Variants in MTREX observed in about 807,000 individuals in gnomAD.
MTREX encodes the protein Mtr4 exosome RNA helicase.
MTREX carries 76 observed loss-of-function variants against 135.4 expected under a neutral mutation model. The ratio of observed to expected loss-of-function variants is 0.56; its 90% CI spans 0.47 to 0.68. MTREX has a LOEUF of 0.68. MTREX is among the 30% of genes least tolerant of loss of function. The pLI, the probability that MTREX is intolerant of heterozygous loss-of-function variation, is 0.00. For synonymous variants in MTREX, 404 were observed against 401.6 expected (o/e 1.01, Z -0.07); for missense variants, 920 against 1,262.1 (o/e 0.73, Z 4.11).
rs1228279217 is a variant in MTREX, at chr5:55,340,053, T to C, written c.559T>C (p.Phe187Leu). ...CTTAAGGGAAAAGCAGCGTGTAATA[T>C]TTACCAGCCCAATTAAGGCTCTGAG... The part of the protein sequence containing the change: ...LALREKQRVI[F>L]TSPIKALSNQ... The change falls in exon 6 of 27, where the codon TTT becomes CTT. Residue 187 changes from phenylalanine to leucine, a missense_variant. Phe to Leu is a conservative substitution (Grantham distance 22, BLOSUM62 0). Coordinates refer to ENST00000230640, the MANE Select transcript of MTREX (RefSeq NM_015360.5). 1 of 1,592,414 alleles carries C rather than the reference T, an allele frequency of 6.3e-7. No homozygotes were observed. The highest frequency in any genetic ancestry group is 1.8e-5 in the Admixed American group (1 of 56,814).
rs181612395 is a variant in MTREX at position 55,401,037 on chromosome 5, A to G, written c.2481+616A>G. The stretch of plus-strand genomic sequence containing the variant: ...CTTGTGTGTGTGCGTGCGTCCGTGC[A>G]TGCGTGTGTGTGTGTGAGACAGAGT... On this transcript the variant is annotated intron_variant, in intron 21 of 26. Coordinates refer to ENST00000230640, the MANE Select transcript of MTREX (RefSeq NM_015360.5). Among the ~76,000 whole-genome samples the G allele has an allele frequency of 1.3e-3, 204 of 152,072 alleles. 2 individuals carry two copies. The Middle Eastern group carries it at 0.024, about 18-fold the overall frequency.
At chr5:55,406,873 A>G (rs1011134145) in intron 22 of MTREX, among the ~76,000 whole-genome samples, 5 of 152,196 alleles carry the variant, frequency 3.3e-5, no homozygotes, top group Non-Finnish European at 7.4e-5. Flanking sequence ...AGAAAATACA[A>G]TTTATGATAC....
At chr5:55,391,071 A>AT (rs1003474070) in intron 19 of MTREX, among the ~76,000 whole-genome samples, 1 of 152,058 alleles carries the variant, frequency 6.6e-6, no homozygotes, top group African/African-American at 2.4e-5. Flanking sequence ...TTCATTGAAA[A>AT]TTGGACATTT....
intron 5 of MTREX, among the ~76,000 whole-genome samples, chr5:55,335,991 G>A (rs548107099): frequency 6.6e-6 from 1 of 152,178 alleles, no homozygotes; most frequent in African/African-American, 2.4e-5. Flanking sequence ...CTATTCCTAA[G>A]TATTTCTGTT....
chr5:55,364,479 A>G (rs114043417), intron 15 of MTREX, among the ~76,000 whole-genome samples: 2 of 152,182 alleles, frequency 1.3e-5, no homozygotes, highest in Non-Finnish European at 2.9e-5. Context: ...ATTTGGTATA[A>G]ACTATGAAAC....
intron 5 of MTREX, among the ~76,000 whole-genome samples, chr5:55,336,042 G>A (rs890250393): frequency 2.6e-5 from 4 of 151,984 alleles, no homozygotes; most frequent in Non-Finnish European, 4.4e-5. Context: ...GGTCATATTT[G>A]GATTGCTAAT....
In MTREX at chr5:55,313,363, T is replaced by A. The variant is rs151280518; in HGVS notation, c.134+5216T>A. Among the ~76,000 whole-genome samples, 53 of 151,978 alleles carry A rather than the reference T, an allele frequency of 3.5e-4. No individual in the cohort carries two copies. In the East Asian group the frequency reaches 8.9e-3, roughly 26 times the overall value. ...GCTGAGGTTGGAGGATTGCTTTAGCTCTGGGAGGTTGAGGCTGCAGGGAGC... is the reference window on the plus strand; with the variant it reads ...GCTGAGGTTGGAGGATTGCTTTAGCACTGGGAGGTTGAGGCTGCAGGGAGC... On this transcript the variant is annotated intron_variant, in intron 1 of 26. Transcript: ENST00000230640.
At position 55,416,065 on chromosome 5, in the gene MTREX, T is replaced by C. The variant is rs774027759; in HGVS notation, c.2904T>C (p.Asp968=). ...YLSSFKPHLM[D]VVYTWATGAT... ...GCTCATTTAAACCTCACTTAATGGA[T>C]GTAGTATATACCTGGGCAACTGGAG... The change falls in exon 25 of 27, where the codon GAT becomes GAC. Residue 968 remains aspartate (D), a synonymous_variant. Coordinates refer to ENST00000230640, the MANE Select transcript of MTREX (RefSeq NM_015360.5). 6.2e-7 allele frequency: 1 copy of C among 1,603,572 alleles called. No homozygotes were observed.
intron 21 of MTREX, among the ~76,000 whole-genome samples, chr5:55,401,959 A>C (rs1417221420): frequency 6.6e-6 from 1 of 152,322 alleles, no homozygotes; most frequent in East Asian, 1.9e-4. Flanking sequence ...TGTGTCTCAC[A>C]AACTAGATTT....
chr5:55,390,868 T>A (rs1029456622), intron 19 of MTREX, among the ~76,000 whole-genome samples: 9 of 152,180 alleles, frequency 5.9e-5, no homozygotes, highest in African/African-American at 2.2e-4. Context: ...AGGTTTCAAG[T>A]TTACCTTGAA....
At position 55,346,988 on chromosome 5, in the gene MTREX, G is replaced by A. The variant is rs957001917; in HGVS notation, c.1109-25G>A. 1.3e-5 allele frequency: 20 copies of A among 1,571,158 alleles called. No homozygotes were observed. In the African/African-American group the frequency reaches 2.3e-4, roughly 18 times the overall value. ...CTGTGATCTATTTTGAGTTAATTTT[G>A]GTGTGTTGTTTACTGTTTTTGCAGG... On this transcript the variant is annotated intron_variant, in intron 10 of 26. Coordinates refer to ENST00000230640, the MANE Select transcript of MTREX (RefSeq NM_015360.5).
At chr5:55,399,112 G>A (rs1231677129) in intron 20 of MTREX, among the ~76,000 whole-genome samples, 3 of 152,284 alleles carry the variant, frequency 2.0e-5, no homozygotes, top group East Asian at 1.9e-4. Context: ...GGCCAGGCTC[G>A]TGTAGGATTT....
chr5:55,318,885 A>G (rs1173091145), intron 1 of MTREX, among the ~76,000 whole-genome samples: 2 of 152,166 alleles, frequency 1.3e-5, no homozygotes, highest in Non-Finnish European at 2.9e-5. Flanking sequence ...ATGTCATTTC[A>G]GGTAGTGTGA....
Position 55,308,046 on chromosome 5 carries a change from C to A in MTREX, c.33C>A (p.Ser11Arg), listed in dbSNP as rs1480792846. Residue 11 changes from serine (S) to arginine (R), a missense_variant, in exon 1 of 27, where the codon AGC (serine) becomes AGA (arginine). Around this residue, in one of 6 missense-constraint regions of MTREX, gnomAD observed 136 missense variants for 126.7 expected, o/e 1.07. Coordinates refer to ENST00000230640, the MANE Select transcript of MTREX (RefSeq NM_015360.5). MADAFGDELF[S>R]VFEGDSTTAA... ...ACGCATTCGGAGATGAGCTGTTCAG[C>A]GTGTTCGAGGGCGACTCGACCACTG... The A allele has an allele frequency of 4.3e-6, 7 of 1,614,028 alleles. 1 individual carries two copies. Among genetic ancestry groups the A allele is most frequent in the South Asian group, 1.1e-5 (1 of 91,072 alleles).
intron 19 of MTREX, among the ~76,000 whole-genome samples, chr5:55,389,059 A>G (rs1348627729): frequency 1.3e-5 from 2 of 152,316 alleles, no homozygotes; most frequent in East Asian, 3.9e-4. Flanking sequence ...TTAAATGTTT[A>G]TTTATAATTC....
Position 55,353,188 on chromosome 5 carries a change from C to T in MTREX, c.1452C>T (p.Thr484=). Residue 484 remains threonine (T), a synonymous_variant, in exon 14 of 27, where the codon ACC becomes ACT. Transcript: ENST00000230640. ...CTTAGGCCTTATTTGCCACGGAGAC[C>T]TTTGCTATGGGAATTAACATGCCAG... is the stretch of plus-strand genomic sequence containing the variant. ...GLIKALFATE[T]FAMGINMPAR... is the part of the protein sequence containing the mutation. The T allele has an allele frequency of 6.2e-7, 1 of 1,603,282 alleles. No homozygotes were observed. The highest frequency in any genetic ancestry group is 8.5e-7 in the Non-Finnish European group (1 of 1,175,328).
chr5:55,314,295 C>T (rs1199131377), intron 1 of MTREX, among the ~76,000 whole-genome samples: 2 of 152,152 alleles, frequency 1.3e-5, no homozygotes, highest in African/African-American at 4.8e-5. Flanking sequence ...ATGTTCATGT[C>T]CCAATCCCTA....
At chr5:55,404,551 T>C (rs192559346) in intron 21 of MTREX, among the ~76,000 whole-genome samples, 2 of 152,286 alleles carry the variant, frequency 1.3e-5, no homozygotes, top group African/African-American at 4.8e-5. Flanking sequence ...CATTTTTCTT[T>C]CCCTGTTCTC....
At chr5:55,354,197 T>C (rs1360709687) in intron 14 of MTREX, among the ~76,000 whole-genome samples, 2 of 152,188 alleles carry the variant, frequency 1.3e-5, no homozygotes, top group East Asian at 1.9e-4. Context: ...TTGACAGATA[T>C]ACAATAAAAT....
Sources: gnomAD v4.1 joint callset for allele counts (sites outside exome capture counted in the v4.1 genomes callset) on GRCh38, gnomAD v4.1.1 for gene constraint, gnomAD v4.1.1 regional missense constraint, MANE v1.5 for transcripts, NCBI Gene and HGNC (gene_info 2026-07-23, HGNC 2026-07-21) for gene names.